NR1H4: variants seen among roughly 807,000 people sequenced by gnomAD.
NR1H4 encodes the protein bile acid receptor.
NR1H4 carries 23 observed loss-of-function variants against 58.5 expected under a neutral mutation model. The observed-to-expected ratio is 0.39, with a 90% CI of 0.28 to 0.56. NR1H4 has a LOEUF of 0.56. NR1H4 is among the 20% of genes least tolerant of loss of function. The pLI, the probability that NR1H4 is intolerant of heterozygous loss-of-function variation, is 0.58. For missense variants in NR1H4, 487 were observed against 576.9 expected (o/e 0.84, Z 1.60); for synonymous variants, 214 against 198.0 (o/e 1.08, Z -0.68).
intron 1 of NR1H4, among the ~76,000 whole-genome samples, chr12:100,474,346 C>T (rs760641423): frequency 2.6e-5 from 4 of 152,156 alleles, no homozygotes; most frequent in African/African-American, 4.8e-5. Flanking sequence ...GGAGATAGTG[C>T]ATTTCAGAAA....
intron 3 of NR1H4, among the ~76,000 whole-genome samples, chr12:100,494,999 C>T (rs1160777944): frequency 2.6e-5 from 4 of 152,024 alleles, no homozygotes; most frequent in Non-Finnish European, 5.9e-5. Context: ...AATTTTCAGC[C>T]AGCACAGAAG....
Position 100,495,974 on chromosome 12 carries a change from G to A in NR1H4, c.79+2572G>A, listed in dbSNP as rs76349538. Among the ~76,000 whole-genome samples the A allele has an allele frequency of 2.5e-3, 386 of 152,202 alleles. 1 individual carries two copies. The highest frequency in any genetic ancestry group is 9.0e-3 in the African/African-American group (375 of 41,542). ...TAAGCTACGCCAGGGGTTCAGAAGG[G>A]TTAATCCATGGGTTCAACTGCCCAG... On this transcript the variant is annotated intron_variant, in intron 3 of 10. Transcript: ENST00000392986.
At position 100,513,854 on chromosome 12, in the gene NR1H4, AAGGAAGGAAGGAAG is replaced by A. The variant is rs1954194170; in HGVS notation, c.445+2712_445+2725del. Among the ~76,000 whole-genome samples the A allele has an allele frequency of 6.0e-5, 9 of 151,222 alleles. No individual in the cohort carries two copies. In the South Asian group the frequency reaches 1.9e-3, roughly 32 times the overall value. On this transcript the variant is annotated intron_variant, in intron 4 of 10. Coordinates refer to ENST00000392986, the MANE Select transcript of NR1H4 (RefSeq NM_001206979.2). The stretch of plus-strand genomic sequence containing the variant: ...GAAGGAAGGAAGGAAGGAAGGAAGG[AAGGAAGGAAGGAAG>A]GAAAAAATAAAGTAGTTTCCAAATG...
chr12:100,479,616 C>T (rs542685972), intron 1 of NR1H4, among the ~76,000 whole-genome samples: 43 of 152,354 alleles, frequency 2.8e-4, no homozygotes, highest in African/African-American at 7.9e-4. Context: ...CAACCCTCCA[C>T]GCTCAGAAAG....
intron 1 of NR1H4, among the ~76,000 whole-genome samples, chr12:100,476,133 G>C (rs1251197713): frequency 6.6e-6 from 1 of 152,152 alleles, no homozygotes; most frequent in East Asian, 1.9e-4. Flanking sequence ...AGCGGGACCT[G>C]AACTTGAGGG....
At chr12:100,505,755 A>G in intron 3 of NR1H4, 1 of 539,684 alleles carries the variant, frequency 1.9e-6, no homozygotes, top group South Asian at 2.8e-5. Flanking sequence ...ATTGTATCAA[A>G]ATAGAAATAA....
At chr12:100,480,121 G>A (rs1228056033) in intron 1 of NR1H4, among the ~76,000 whole-genome samples, 3 of 152,210 alleles carry the variant, frequency 2.0e-5, no homozygotes, top group African/African-American at 4.8e-5. Context: ...AACTTGGTAT[G>A]TAGTAGAGAA....
At chr12:100,502,925 A>C (rs1429036594) in intron 3 of NR1H4, among the ~76,000 whole-genome samples, 1 of 152,166 alleles carries the variant, frequency 6.6e-6, no homozygotes, top group Non-Finnish European at 1.5e-5. Context: ...CCCATGATTC[A>C]ATTATCTCCT....
At chr12:100,529,473 A>G (rs1381403825) in intron 4 of NR1H4, among the ~76,000 whole-genome samples, 2 of 151,984 alleles carry the variant, frequency 1.3e-5, no homozygotes, top group Non-Finnish European at 2.9e-5. Flanking sequence ...CATGGTAAAG[A>G]CTCAACTCCT....
chr12:100,493,175 T>C (rs1953639832), intron 2 of NR1H4, 95 bp from the exon 3 acceptor site: 6 of 648,670 alleles, frequency 9.2e-6, no homozygotes, highest in Non-Finnish European at 1.7e-5. Context: ...GAGCCATTTG[T>C]ACTTTCGTAA....
intron 5 of NR1H4, among the ~76,000 whole-genome samples, chr12:100,534,132 A>G (rs1450176151): frequency 7.2e-6 from 1 of 139,192 alleles, no homozygotes; most frequent in Non-Finnish European, 1.5e-5. Flanking sequence ...TCCTGACCTC[A>G]TCCACCCGCC....
chr12:100,551,525 T>C (rs1234448837), intron 9 of NR1H4, among the ~76,000 whole-genome samples: 2 of 152,270 alleles, frequency 1.3e-5, no homozygotes, highest in Non-Finnish European at 2.9e-5. Context: ...TTAACACCTC[T>C]ACTTTTGCTT....
intron 9 of NR1H4, among the ~76,000 whole-genome samples, chr12:100,556,012 TG>T (rs1324362439): frequency 2.0e-5 from 3 of 152,134 alleles, no homozygotes; most frequent in African/African-American, 7.2e-5. Context: ...TAGAGTCCAC[TG>T]GGGTCAATTA....
chr12:100,542,982 G>A (rs1220899537), intron 9 of NR1H4, among the ~76,000 whole-genome samples: 1 of 152,140 alleles, frequency 6.6e-6, no homozygotes, highest in East Asian at 1.9e-4. Context: ...AATGGGAAGA[G>A]ATTAACTGTC....
intron 9 of NR1H4, among the ~76,000 whole-genome samples, chr12:100,560,379 A>T (rs1955440980): frequency 6.7e-6 from 1 of 148,878 alleles, no homozygotes; most frequent in South Asian, 2.2e-4. Flanking sequence ...CTTTGGGTCC[A>T]CGCTGCTTTT....
At chr12:100,483,539 G>A (rs560308471) in intron 1 of NR1H4, among the ~76,000 whole-genome samples, 1 of 152,260 alleles carries the variant, frequency 6.6e-6, no homozygotes, top group South Asian at 2.1e-4. Flanking sequence ...TGTCCTTGAC[G>A]TGTCTCTGGA....
At chr12:100,538,735 CCTT>C (rs1308395794) in intron 8 of NR1H4, among the ~76,000 whole-genome samples, 2 of 152,150 alleles carry the variant, frequency 1.3e-5, no homozygotes, top group African/African-American at 4.8e-5. Context: ...TGTTAATTTG[CCTT>C]CTTTTTGCCA....
At chr12:100,506,232 G>A (rs73378090) in intron 3 of NR1H4, among the ~76,000 whole-genome samples, 5,200 of 152,076 alleles carry the variant, frequency 0.034, 256 homozygotes, top group African/African-American at 0.11. Flanking sequence ...TCAACTTACC[G>A]AAACTGCTTC....
At chr12:100,509,028 A>C (rs1221884845) in intron 3 of NR1H4, among the ~76,000 whole-genome samples, 2 of 152,196 alleles carry the variant, frequency 1.3e-5, no homozygotes, top group African/African-American at 4.8e-5. Flanking sequence ...GAAATCCTGA[A>C]AATTCTGACT....
Sources: gnomAD v4.1 joint callset for allele counts (sites outside exome capture counted in the v4.1 genomes callset) on GRCh38, gnomAD v4.1.1 for gene constraint, MANE v1.5 for transcripts, NCBI Gene and HGNC (gene_info 2026-07-23, HGNC 2026-07-21) for gene names.